PFN4: variants seen among roughly 807,000 people sequenced by gnomAD.
PFN4 encodes the protein profilin family member 4, also known as profilin-4.
PFN4 carries 10 observed loss-of-function variants against 16.3 expected under a neutral mutation model. The ratio of observed to expected loss-of-function variants is 0.61; its 90% CI spans 0.38 to 1.04. PFN4 has a LOEUF of 1.04. PFN4 is among the 50% of genes least tolerant of loss of function. The pLI, the probability that PFN4 is intolerant of heterozygous loss-of-function variation, is 0.01. For synonymous variants in PFN4, 54 were observed against 56.9 expected (o/e 0.95, Z 0.23); for missense variants, 136 against 153.6 (o/e 0.89, Z 0.61).
chr2:24,121,497 T>A (rs917777948), intron 2 of PFN4, among the ~76,000 whole-genome samples, 197 bp from the exon 3 acceptor site: 1 of 152,230 alleles, frequency 6.6e-6, no homozygotes, highest in Non-Finnish European at 1.5e-5. Flanking sequence ...TCAGTATCCA[T>A]AAATATAAAA....
Position 24,114,888 on chromosome 2 carries a change from G to C in PFN4, c.*695C>G, listed in dbSNP as rs954339814. 6.6e-6 allele frequency among the ~76,000 whole-genome samples: 1 copy of C among 152,198 alleles called. No homozygotes were observed. Among genetic ancestry groups the C allele is most frequent in the East Asian group, 1.9e-4 (1 of 5,200 alleles). On this transcript the variant is annotated 3_prime_UTR_variant, in exon 5 of 5. Coordinates refer to ENST00000313213, the MANE Select transcript of PFN4 (RefSeq NM_199346.3). ...ACTGCCTTACTAAGGTGTGCAGTGA[G>C]AGTTAGGGTTAGAGTCAGAAATCTT...
Position 24,115,536 on chromosome 2 carries a change from A to G in PFN4, c.*47T>C, listed in dbSNP as rs767615363. The stretch of plus-strand genomic sequence containing the variant: ...AAATATTTTTTCTTTAGGCTCTTCA[A>G]TTTTCTTCTAAAATAATAAAATTGT... On this transcript the variant is annotated 3_prime_UTR_variant, in exon 5 of 5. Coordinates refer to ENST00000313213, the MANE Select transcript of PFN4 (RefSeq NM_199346.3). 6 of 1,556,470 alleles carry G rather than the reference A, an allele frequency of 3.9e-6. No homozygotes were observed. Among genetic ancestry groups the G allele is most frequent in the Admixed American group, 3.4e-5 (2 of 58,416 alleles).
intron 4 of PFN4, among the ~76,000 whole-genome samples, chr2:24,118,664 T>C (rs1156782697): frequency 6.6e-6 from 1 of 152,234 alleles, no homozygotes; most frequent in Admixed American, 6.5e-5. Flanking sequence ...ATTAGGAATT[T>C]GCAGAATAGA....
At chr2:24,120,888 T>C (rs955422770) in intron 3 of PFN4, among the ~76,000 whole-genome samples, 1 of 147,636 alleles carries the variant, frequency 6.8e-6, no homozygotes, top group African/African-American at 2.5e-5. Context: ...TTTTTTTTTT[T>C]AAAGGAGGAT....
intron 4 of PFN4, among the ~76,000 whole-genome samples, chr2:24,119,196 C>T (rs1666020128): frequency 6.6e-6 from 1 of 152,096 alleles, no homozygotes; most frequent in South Asian, 2.1e-4. Context: ...TATCCTGCCC[C>T]ACCTACATAG....
chr2:24,122,393 T>G (rs1350668730), intron 2 of PFN4, 26 bp downstream of exon 2: 4 of 1,481,612 alleles, frequency 2.7e-6, no homozygotes, highest in Non-Finnish European at 3.8e-6. Flanking sequence ...AAATCAAGTC[T>G]TAGGTCCAAA....
chr2:24,115,434 T>C lies in PFN4; in HGVS notation c.*149A>G. On this transcript the variant is annotated 3_prime_UTR_variant, in exon 5 of 5. Transcript: ENST00000313213. ...GTAATTCCAGTGAAAGAAGAGGATC[T>C]CTGGAAGTAATAAAAATTGCTCCCT... The C allele has an allele frequency of 1.6e-6, 1 of 644,366 alleles. No homozygotes were observed. Among genetic ancestry groups the C allele is most frequent in the East Asian group, 2.7e-5 (1 of 36,474 alleles). The allele number at this position is 644,366 out of a possible 1,614,324, so 39.9% of individuals were successfully genotyped here.
At position 24,119,576 on chromosome 2, in the gene PFN4, C is replaced by T. The variant is rs755401779; in HGVS notation, c.361+1G>A. 7.4e-6 allele frequency: 12 copies of T among 1,612,162 alleles called. No individual in the cohort carries two copies. The highest frequency in any genetic ancestry group is 2.2e-5 in the East Asian group (1 of 44,862). ...AGACAGGAACTAGGAGGCCAACTTA[C>T]CCAGGCTCTCTGTGGCTTCCACACA... On this transcript the variant is annotated splice_donor_variant, in intron 4 of 4. Coordinates refer to ENST00000313213, the MANE Select transcript of PFN4 (RefSeq NM_199346.3). LOFTEE classifies it high-confidence loss of function.
At chr2:24,118,263 C>G (rs1215917871) in intron 4 of PFN4, among the ~76,000 whole-genome samples, 1 of 152,178 alleles carries the variant, frequency 6.6e-6, no homozygotes. Flanking sequence ...TGAAATGGAG[C>G]CTCCTTCAAA....
chr2:24,116,107 T>C (rs894042534), intron 4 of PFN4, among the ~76,000 whole-genome samples: 1 of 151,944 alleles, frequency 6.6e-6, no homozygotes, highest in African/African-American at 2.4e-5. Flanking sequence ...GGTGGGTTGA[T>C]CATGAGGTCA....
intron 3 of PFN4, among the ~76,000 whole-genome samples, chr2:24,120,872 CTTT>C (rs35518003): frequency 8.5e-5 from 12 of 141,794 alleles, no homozygotes; most frequent in Admixed American, 1.4e-4. Context: ...ATGATTATCT[CTTT>C]TTTTTTTTTT....
intron 4 of PFN4, among the ~76,000 whole-genome samples, chr2:24,118,087 TCTC>T (rs1470197588): frequency 6.6e-6 from 1 of 152,184 alleles, no homozygotes; most frequent in Non-Finnish European, 1.5e-5. Flanking sequence ...ATTTATCTGG[TCTC>T]CTCTGGGGAA....
chr2:24,122,466 T>C lies in PFN4; in HGVS notation c.70A>G (p.Ile24Val), dbSNP rs150056793. ...GTKHVDSAAL[I>V]KIQERSLCVA... ...CACAAGCTCCGCTCCTGGATTTTGA[T>C]GAGGGCTGCACTGTCCACATGCTTG... is the stretch of plus-strand genomic sequence containing the variant. Residue 24 changes from isoleucine (I) to valine (V), a missense_variant, in exon 2 of 5, where the codon ATC becomes GTC. Ile to Val is a conservative substitution (Grantham distance 29). Coordinates refer to ENST00000313213, the MANE Select transcript of PFN4 (RefSeq NM_199346.3). 16 of 1,613,966 alleles carry C rather than the reference T, an allele frequency of 9.9e-6. No individual in the cohort carries two copies. Among genetic ancestry groups the C allele is most frequent in the Non-Finnish European group, 1.4e-5 (16 of 1,179,986 alleles).
chr2:24,122,918 G>A (rs1666167028), intron 1 of PFN4, 200 bp downstream of exon 1: 1 of 162,910 alleles, frequency 6.1e-6, no homozygotes, highest in East Asian at 1.8e-4. Flanking sequence ...CAGCCAGGAT[G>A]GAGAGCTACC....
At position 24,122,416 on chromosome 2, in the gene PFN4, T is replaced by C. The variant is rs758918618; in HGVS notation, c.117+3A>G. On this transcript the variant is annotated splice_donor_region_variant and intron_variant, in intron 2 of 4. Coordinates refer to ENST00000313213, the MANE Select transcript of PFN4 (RefSeq NM_199346.3). ...TCTTAGGTCCAAACTTGTTTTTTCTTACATTGAAACCTGGTGATGCTACAC... is the reference window on the plus strand; with the variant it reads ...TCTTAGGTCCAAACTTGTTTTTTCTCACATTGAAACCTGGTGATGCTACAC... 2.5e-6 allele frequency: 4 copies of C among 1,604,056 alleles called. No individual in the cohort carries two copies. In the Admixed American group the frequency reaches 6.7e-5, roughly 27 times the overall value.
intron 3 of PFN4, 39 bp downstream of exon 3, chr2:24,121,119 ATTCTT>A: frequency 6.2e-7 from 1 of 1,605,220 alleles, no homozygotes; most frequent in Non-Finnish European, 8.5e-7. Context: ...TTGGAGGCAA[ATTCTT>A]TTCTTTTACT....
chr2:24,119,011 C>T (rs1007114615), intron 4 of PFN4, among the ~76,000 whole-genome samples: 2 of 152,198 alleles, frequency 1.3e-5, no homozygotes, highest in Non-Finnish European at 2.9e-5. Context: ...CAAGCTAGTT[C>T]TCTATGAGAT....
At chr2:24,120,426 C>A (rs534839190) in intron 3 of PFN4, among the ~76,000 whole-genome samples, 20 of 152,320 alleles carry the variant, frequency 1.3e-4, no homozygotes, top group African/African-American at 4.6e-4. Context: ...GCCTCAGTGT[C>A]CTCATCTGTA....
At chr2:24,120,560 A>C (rs897558658) in intron 3 of PFN4, among the ~76,000 whole-genome samples, 1 of 118,528 alleles carries the variant, frequency 8.4e-6, no homozygotes, top group South Asian at 3.1e-4. Flanking sequence ...ATTTTTTTTA[A>C]AATTTTTTTT....
Sources: allele counts gnomAD v4.1 joint callset (sites outside exome capture counted in the v4.1 genomes callset), GRCh38; gene constraint gnomAD v4.1.1; transcripts MANE v1.5; gene names NCBI Gene and HGNC (gene_info 2026-07-23, HGNC 2026-07-21).